GALNT13: variants seen among roughly 807,000 people sequenced by gnomAD.
The protein encoded by GALNT13 is polypeptide N-acetylgalactosaminyltransferase 13.
In GALNT13, 28 loss-of-function variants were observed where a neutral mutation model predicts 64.2. The observed-to-expected ratio is 0.44, with a 90% CI of 0.32 to 0.60. GALNT13 has a LOEUF of 0.60. Among genes scored for constraint, GALNT13 ranks in the 20% least tolerant of loss-of-function variants. The pLI is 0.05. For missense variants in GALNT13, 577 were observed against 669.8 expected, an observed-to-expected ratio of 0.86 and a Z score of 1.53; for synonymous variants, 214 against 224.6, an observed-to-expected ratio of 0.95 and a Z score of 0.42.
intron 2 of GALNT13, among the ~76,000 whole-genome samples, chr2:153,937,490 T>C (rs73009841): frequency 0.056 from 8,455 of 152,130 alleles, 347 homozygotes; most frequent in South Asian, 0.13. Context: ...GATGGTAGGA[T>C]TGAGGGTTCT....
chr2:154,410,325 A>G (rs1000201354), intron 11 of GALNT13, among the ~76,000 whole-genome samples: 1 of 151,976 alleles, frequency 6.6e-6, no homozygotes, highest in Non-Finnish European at 1.5e-5. Flanking sequence ...ATTTTCTCAC[A>G]TAATAAAAAT....
intron 3 of GALNT13, among the ~76,000 whole-genome samples, chr2:154,109,823 A>G (rs1431484401): frequency 1.3e-5 from 2 of 151,972 alleles, no homozygotes; most frequent in Admixed American, 1.3e-4. Context: ...ATCTCACATA[A>G]TCTTGGTGGA....
chr2:153,106,129 T>C, the GALNT13 span, among the ~76,000 whole-genome samples: 1 of 152,156 alleles, frequency 6.6e-6, no homozygotes, highest in East Asian at 1.9e-4. Context: ...TTTAAATAAC[T>C]CCCTCAAAGA....
chr2:154,219,151 G>A (rs1471226926), intron 4 of GALNT13, among the ~76,000 whole-genome samples: 1 of 151,886 alleles, frequency 6.6e-6, no homozygotes, highest in South Asian at 2.1e-4. Context: ...TAATAATGAT[G>A]ATAAATAAGA....
chr2:153,742,022 A>G, the GALNT13 span, among the ~76,000 whole-genome samples: 1 of 152,154 alleles, frequency 6.6e-6, no homozygotes, highest in Non-Finnish European at 1.5e-5. Context: ...TGAAATGTAC[A>G]AGATGTGATT....
intron 1 of GALNT13, among the ~76,000 whole-genome samples, chr2:153,890,106 T>C (rs772610014): frequency 6.6e-6 from 1 of 151,926 alleles, no homozygotes; most frequent in Non-Finnish European, 1.5e-5. Flanking sequence ...GCTACATGTT[T>C]TCATGAGGCT....
At chr2:154,125,590 G>T (rs915110370) in intron 3 of GALNT13, among the ~76,000 whole-genome samples, 3 of 152,050 alleles carry the variant, frequency 2.0e-5, no homozygotes, top group Non-Finnish European at 1.5e-5. Context: ...GTACAAAAAC[G>T]CAAAAAAGTG....
chr2:153,665,547 T>G, the GALNT13 span, among the ~76,000 whole-genome samples: 2 of 152,102 alleles, frequency 1.3e-5, no homozygotes, highest in Non-Finnish European at 2.9e-5. Context: ...TCTTATTACT[T>G]AAATTACAAA....
chr2:153,480,343 T>C, the GALNT13 span, among the ~76,000 whole-genome samples: 3 of 152,138 alleles, frequency 2.0e-5, no homozygotes, highest in African/African-American at 4.8e-5. Flanking sequence ...TGAAATGCCT[T>C]CTGGTTGAGT....
chr2:153,545,244 T>G, the GALNT13 span, among the ~76,000 whole-genome samples: 1 of 152,158 alleles, frequency 6.6e-6, no homozygotes, highest in Non-Finnish European at 1.5e-5. Flanking sequence ...ATATGGCCCT[T>G]CTTCTCAAGG....
At chr2:153,126,329 TA>T in the GALNT13 span, among the ~76,000 whole-genome samples, 11 of 109,938 alleles carry the variant, frequency 1.0e-4, no homozygotes, top group African/African-American at 3.9e-4. Context: ...TATATATATA[TA>T]TATATATATA....
At chr2:153,691,199 G>T in the GALNT13 span, among the ~76,000 whole-genome samples, 27 of 152,186 alleles carry the variant, frequency 1.8e-4, no homozygotes, top group African/African-American at 6.3e-4. Flanking sequence ...TAATGTTGAG[G>T]CAAGTAAGTC....
chr2:153,675,345 A>G, the GALNT13 span, among the ~76,000 whole-genome samples: 2 of 152,228 alleles, frequency 1.3e-5, no homozygotes, highest in African/African-American at 2.4e-5. Flanking sequence ...GCACATATAC[A>G]CCATGGAATA....
At chr2:153,153,025 A>G in the GALNT13 span, among the ~76,000 whole-genome samples, 2 of 152,256 alleles carry the variant, frequency 1.3e-5, no homozygotes, top group Middle Eastern at 3.4e-3. Flanking sequence ...ACTCCTACCA[A>G]CGGTGTATAA....
the GALNT13 span, among the ~76,000 whole-genome samples, chr2:153,674,779 GA>G: frequency 4.6e-5 from 7 of 151,880 alleles, no homozygotes; most frequent in Non-Finnish European, 7.4e-5. Flanking sequence ...CAGAATGGGA[GA>G]AAAATTTTAC....
intron 3 of GALNT13, among the ~76,000 whole-genome samples, chr2:153,950,342 G>A (rs1268656017): frequency 6.6e-6 from 1 of 151,930 alleles, no homozygotes; most frequent in Non-Finnish European, 1.5e-5. Flanking sequence ...AACACATATA[G>A]CAAATAAATT....
At chr2:153,166,070 G>A in the GALNT13 span, among the ~76,000 whole-genome samples, 1 of 152,144 alleles carries the variant, frequency 6.6e-6, no homozygotes, top group Non-Finnish European at 1.5e-5. Context: ...TTACACGAGT[G>A]GCATACTCTA....
chr2:154,201,168 A>G (rs1489588690), intron 4 of GALNT13, among the ~76,000 whole-genome samples: 1 of 152,124 alleles, frequency 6.6e-6, no homozygotes, highest in Non-Finnish European at 1.5e-5. Context: ...AAGAGTTGTC[A>G]TGTGTATTAA....
At chr2:153,148,372 T>C in the GALNT13 span, among the ~76,000 whole-genome samples, 1 of 151,844 alleles carries the variant, frequency 6.6e-6, no homozygotes, top group African/African-American at 2.4e-5. Flanking sequence ...GCAGCTGCTG[T>C]CTCTCTTGCT....
Sources: gnomAD v4.1 joint callset for allele counts (sites outside exome capture counted in the v4.1 genomes callset) on GRCh38, gnomAD v4.1.1 for gene constraint, MANE v1.5 for transcripts, NCBI Gene and HGNC (gene_info 2026-07-23, HGNC 2026-07-21) for gene names.